Variants in ELFN1 observed in about 807,000 individuals in gnomAD.
ELFN1 encodes protein ELFN1.
A neutral mutation model predicts 7.6 loss-of-function variants in ELFN1; 6 were observed. That is an observed-to-expected ratio of 0.79 (90% CI 0.43 to 1.56). The LOEUF (loss-of-function observed/expected upper bound fraction) is 1.56, where lower values mean the gene tolerates loss of function less well. ELFN1 is among the 40% of genes most tolerant of loss of function. The probability of loss-of-function intolerance (pLI) is 0.01; values close to 1 mark genes in which losing one functional copy is unlikely to be tolerated. For missense variants in ELFN1, 1,169 were observed against 1,232.2 expected (o/e 0.95, Z 0.77); for synonymous variants, 657 against 588.1 (o/e 1.12, Z -1.70).
chr7:1,667,883 C>A (rs1045914434), upstream of ELFN1, among the ~76,000 whole-genome samples: 11 of 145,196 alleles, frequency 7.6e-5, no homozygotes, highest in African/African-American at 2.8e-4. The surrounding 1 kb of genome is among the most constrained non-coding windows in gnomAD (Gnocchi z 8.2). Flanking sequence ...GGCCGCCAAT[C>A]GGCGCGGCCA....
chr7:1,678,684 C>T (rs1312952155), intron 1 of ELFN1, among the ~76,000 whole-genome samples: 1 of 152,240 alleles, frequency 6.6e-6, no homozygotes, highest in African/African-American at 2.4e-5. Context: ...CTCAGCCCTG[C>T]TGCCCTTGCC....
intron 3 of ELFN1, chr7:1,742,253 A>T (rs1404475215): frequency 2.6e-5 from 4 of 152,232 alleles, no homozygotes; most frequent in Non-Finnish European, 4.4e-5. Context: ...GGTGATTACG[A>T]TTGTGGCTGA....
At position 1,670,620 on chromosome 7, in the gene ELFN1, C is replaced by G. The variant is rs1778745808; in HGVS notation, c.-549+266C>G. Among the ~76,000 whole-genome samples, 1 of 151,882 alleles carries G rather than the reference C, an allele frequency of 6.6e-6. No individual in the cohort carries two copies. Among genetic ancestry groups the G allele is most frequent in the Non-Finnish European group, 1.5e-5 (1 of 67,990 alleles). ...GCCCGGGTCGGGGTCGCTGCCGCAG[C>G]CCGCACGCTGCCCCGTGCCTCCGAG... On this transcript the variant is annotated intron_variant, in intron 1 of 3. Coordinates refer to ENST00000424383, the MANE Select transcript of ELFN1 (RefSeq NM_001128636.4). The surrounding 1 kb of genome is among the most constrained non-coding windows in gnomAD (Gnocchi z 6.4).
At chr7:1,667,141 T>C (rs1222165787), upstream of ELFN1, among the ~76,000 whole-genome samples, 3 of 149,940 alleles carry the variant, frequency 2.0e-5, no homozygotes, top group Non-Finnish European at 4.5e-5. The surrounding 1 kb of genome is among the most constrained non-coding windows in gnomAD (Gnocchi z 8.2). Context: ...CCCCCCGAAC[T>C]TTTTCTCTTC....
chr7:1,739,346 T>C lies in ELFN1; in HGVS notation c.-293-4958T>C, dbSNP rs1001914926. On this transcript the variant is annotated intron_variant, in intron 3 of 3. Coordinates refer to ENST00000424383, the MANE Select transcript of ELFN1 (RefSeq NM_001128636.4). The surrounding 1 kb of genome is among the most constrained non-coding windows in gnomAD (Gnocchi z 4.6). ...CAGGTGGATTAGATGCTGCTGGAGT[T>C]GGACCAGGTGTGGGGGGAGGAAAGA... is the stretch of plus-strand genomic sequence containing the variant. 6.6e-6 allele frequency: 1 copy of C among 152,248 alleles called. No individual in the cohort carries two copies. Among genetic ancestry groups the C allele is most frequent in the African/African-American group, 2.4e-5 (1 of 41,360 alleles). The allele number at this position is 152,248 out of a possible 1,614,324, so 9.4% of individuals were successfully genotyped here.
intron 3 of ELFN1, among the ~76,000 whole-genome samples, chr7:1,719,884 G>C (rs1449842000): frequency 1.4e-5 from 2 of 141,472 alleles, no homozygotes; most frequent in Non-Finnish European, 3.0e-5. Flanking sequence ...CTCAGGCAGG[G>C]GCCTCCCCCA....
At chr7:1,743,166 C>A (rs1029980540) in intron 3 of ELFN1, among the ~76,000 whole-genome samples, 4 of 152,182 alleles carry the variant, frequency 2.6e-5, no homozygotes, top group Non-Finnish European at 4.4e-5. Context: ...TCTGCAGGGT[C>A]CTTCCTGCCT....
At chr7:1,696,232 CAG>C (rs565373483) in intron 2 of ELFN1, among the ~76,000 whole-genome samples, 1 of 134,454 alleles carries the variant, frequency 7.4e-6, no homozygotes, top group East Asian at 2.1e-4. Context: ...AAGAAAGAGA[CAG>C]AGGGAGAGAG....
chr7:1,678,798 G>A (rs1011035231), intron 1 of ELFN1, among the ~76,000 whole-genome samples: 3 of 152,230 alleles, frequency 2.0e-5, no homozygotes, highest in African/African-American at 7.2e-5. Context: ...CGACAGTCTT[G>A]GTGACTACCC....
At chr7:1,676,864 C>T (rs1365102474) in intron 1 of ELFN1, among the ~76,000 whole-genome samples, 2 of 152,286 alleles carry the variant, frequency 1.3e-5, no homozygotes, top group South Asian at 2.1e-4. Context: ...CGGATTGCTT[C>T]GGGAAGTCTC....
In ELFN1 at chr7:1,713,751, A is replaced by AG. The variant is rs943863021; in HGVS notation, c.-294+4507dup. Among the ~76,000 whole-genome samples the AG allele has an allele frequency of 3.2e-4, 49 of 150,914 alleles. 1 individual carries two copies. The highest frequency in any genetic ancestry group is 4.2e-4 in the South Asian group (2 of 4,750). On this transcript the variant is annotated intron_variant, in intron 3 of 3. Transcript: ENST00000424383. ...TAGGTCTCGGTTTCCCTCTCTGGGG[A>AG]GGGGGGGGCGATGTCCTTGCCAGCA...
chr7:1,734,774 T>A (rs1780401078), intron 3 of ELFN1, among the ~76,000 whole-genome samples: 1 of 152,032 alleles, frequency 6.6e-6, no homozygotes, highest in South Asian at 2.1e-4. Flanking sequence ...CATGGCTCAC[T>A]GCAGCCTCAA....
intron 3 of ELFN1, among the ~76,000 whole-genome samples, chr7:1,710,503 G>T (rs1366736979): frequency 2.0e-5 from 3 of 152,212 alleles, no homozygotes; most frequent in Non-Finnish European, 1.5e-5. Flanking sequence ...GGTAGGGAGG[G>T]GTTCCACGCA....
rs796733005 is a variant in ELFN1 at position 1,740,464 on chromosome 7, G to A, written c.-293-3840G>A. ...AGAAATGTTGTTTAATGATCGGATC[G>A]CTGGACGTGGGGTGCAGCGGCAGGT... is the stretch of plus-strand genomic sequence containing the variant. On this transcript the variant is annotated intron_variant, in intron 3 of 3. Coordinates refer to ENST00000424383, the MANE Select transcript of ELFN1 (RefSeq NM_001128636.4). This position sits in a 1 kb window ranked among gnomAD's most constrained non-coding sequence, Gnocchi z 5.0. Among the ~76,000 whole-genome samples the A allele has an allele frequency of 5.9e-5, 9 of 152,358 alleles. No homozygotes were observed. The highest frequency in any genetic ancestry group is 1.9e-4 in the African/African-American group (8 of 41,586).
intron 3 of ELFN1, among the ~76,000 whole-genome samples, chr7:1,718,066 C>G (rs1000558716): frequency 6.6e-6 from 1 of 152,226 alleles, no homozygotes; most frequent in Non-Finnish European, 1.5e-5. Context: ...TCACCATCAC[C>G]TGCAGTTTCC....
intron 3 of ELFN1, among the ~76,000 whole-genome samples, chr7:1,711,933 G>A (rs1034849158): frequency 4.0e-4 from 61 of 152,220 alleles, no homozygotes; most frequent in Non-Finnish European, 7.1e-4. Flanking sequence ...CCCACGTTGC[G>A]GCAGAGAGAA....
In ELFN1 at chr7:1,735,977, A is replaced by G. The variant is rs1427520655; in HGVS notation, c.-293-8327A>G. 6.6e-6 allele frequency among the ~76,000 whole-genome samples: 1 copy of G among 152,022 alleles called. No individual in the cohort carries two copies. Among genetic ancestry groups the G allele is most frequent in the Non-Finnish European group, 1.5e-5 (1 of 67,982 alleles). On this transcript the variant is annotated intron_variant, in intron 3 of 3. Coordinates refer to ENST00000424383, the MANE Select transcript of ELFN1 (RefSeq NM_001128636.4). The surrounding 1 kb of genome is among the most constrained non-coding windows in gnomAD (Gnocchi z 5.9). ...ACAGCAGGCGCACGGCAGAGCCAAC[A>G]CCATCTCCTGGCCCACGATGGTTCT...
chr7:1,721,115 G>A (rs1266249706), intron 3 of ELFN1, among the ~76,000 whole-genome samples: 3 of 152,214 alleles, frequency 2.0e-5, no homozygotes, highest in Non-Finnish European at 4.4e-5. Flanking sequence ...TGGCATTACT[G>A]TAATGAGCTC....
chr7:1,723,958 G>A (rs564042470), intron 3 of ELFN1, among the ~76,000 whole-genome samples: 4 of 152,284 alleles, frequency 2.6e-5, no homozygotes, highest in South Asian at 2.1e-4. Flanking sequence ...TCATTCACCC[G>A]GAAACATGCC....
Sources: gnomAD v4.1 joint callset for allele counts (sites outside exome capture counted in the v4.1 genomes callset) on GRCh38, gnomAD v4.1.1 for gene constraint, Gnocchi (gnomAD v3.1) non-coding constraint, MANE v1.5 for transcripts, NCBI Gene and HGNC (gene_info 2026-07-23, HGNC 2026-07-21) for gene names.